ATP5F1B: variants seen among roughly 807,000 people sequenced by gnomAD.
ATP5F1B encodes ATP synthase F(1) complex subunit beta, mitochondrial.
Under a neutral mutation model 45.9 loss-of-function variants are expected in ATP5F1B, and 17 were observed. The observed-to-expected ratio is 0.37, with a 90% CI of 0.25 to 0.56. ATP5F1B has a LOEUF of 0.56. Among genes scored for constraint, ATP5F1B ranks in the 20% least tolerant of loss-of-function variants. ATP5F1B has a pLI of 0.80. For synonymous variants in ATP5F1B, 218 were observed against 256.5 expected (o/e 0.85, Z 1.43); for missense variants, 387 against 673.2 (o/e 0.57, Z 4.70).
chr12:56,645,388 C>A (rs1020119339), intron 1 of ATP5F1B, 35 bp from the exon 2 acceptor site: 1 of 1,594,932 alleles, frequency 6.3e-7, no homozygotes, highest in Admixed American at 1.7e-5. Flanking sequence ...GAGCTGGGGT[C>A]AGGCCAGTTA....
At chr12:56,641,364 A>C in intron 7 of ATP5F1B, among the ~76,000 whole-genome samples, 1 of 141,244 alleles carries the variant, frequency 7.1e-6, no homozygotes, top group African/African-American at 2.6e-5. Context: ...ACTCCGTCTC[A>C]AAAAAAAAAA....
intron 5 of ATP5F1B, 134 bp from the exon 6 acceptor site, chr12:56,642,965 T>G (rs1244707092): frequency 3.1e-6 from 3 of 977,792 alleles, no homozygotes; most frequent in African/African-American, 3.3e-5. Flanking sequence ...AAGTTTCTTT[T>G]CCCTATTAGA....
chr12:56,639,708 T>C (rs1325013930), intron 8 of ATP5F1B, among the ~76,000 whole-genome samples: 2 of 150,826 alleles, frequency 1.3e-5, no homozygotes, highest in African/African-American at 4.9e-5. Flanking sequence ...GAGGCGGAGG[T>C]TGCAGTGAGC....
In ATP5F1B at chr12:56,638,219, G is replaced by A. The variant is rs1059859; in HGVS notation, c.*104C>T. The A allele has an allele frequency of 1.0e-6, 1 of 986,172 alleles. No homozygotes were observed. The highest frequency in any genetic ancestry group is 2.4e-5 in the East Asian group (1 of 41,840). The allele number at this position is 986,172 out of a possible 1,614,324, so 61.1% of individuals were successfully genotyped here. ...TATTGGAAACCTTAAATACTGTTCA[G>A]AAAGAATATATCTTCAATCAAGGCT... On this transcript the variant is annotated 3_prime_UTR_variant, in exon 10 of 10. Coordinates refer to ENST00000262030, the MANE Select transcript of ATP5F1B (RefSeq NM_001686.4).
chr12:56,644,850 T>A lies in ATP5F1B; in HGVS notation c.416A>T (p.Glu139Val). 1.2e-6 allele frequency: 2 copies of A among 1,614,206 alleles called. No homozygotes were observed. Among genetic ancestry groups the A allele is most frequent in the Non-Finnish European group, 1.7e-6 (2 of 1,180,042 alleles). ...GACATTCATGATTCTGCCCAAAGTC[T>A]CAGGACCAACAGGAATTTTGATTGG... ...GAPIKIPVGP[E>V]TLGRIMNVIG... The change falls in exon 3 of 10, where the codon GAG (glutamate) becomes GTG (valine). Residue 139 changes from glutamate (E) to valine (V), a missense_variant. Transcript: ENST00000262030.
intron 5 of ATP5F1B, 27 bp downstream of exon 5, chr12:56,643,376 G>A (rs199603043): frequency 1.8e-5 from 29 of 1,591,792 alleles, no homozygotes; most frequent in Admixed American, 1.7e-4. Flanking sequence ...TAACTACCAC[G>A]TGGACATCAA....
At position 56,638,378 on chromosome 12, in the gene ATP5F1B, G is replaced by A. The variant is rs781187712; in HGVS notation, c.1535C>T (p.Pro512Leu). 6.2e-7 allele frequency: 1 copy of A among 1,613,828 alleles called. No homozygotes were observed. The highest frequency in any genetic ancestry group is 1.7e-5 in the Admixed American group (1 of 60,000). The change falls in exon 10 of 10, where the codon CCC becomes CTC. Residue 512 changes from proline to leucine, a missense_variant. Pro to Leu is a moderately conservative substitution (Grantham distance 98). Coordinates refer to ENST00000262030, the MANE Select transcript of ATP5F1B (RefSeq NM_001686.4). ...LPEQAFYMVG[P>L]IEEAVAKADK... ...AGCTTTTGCCACAGCTTCTTCAATG[G>A]GTCCCACCATATAGAAGGCCTGTTC...
chr12:56,645,504 C>A lies in ATP5F1B; in HGVS notation c.128-151G>T, dbSNP rs908835652. ...CGCGTGTCCAAGAGGGAAGGCCGCG[C>A]AGCGATCGATAAAGCGCCTGCACAG... On this transcript the variant is annotated intron_variant, in intron 1 of 9. Transcript: ENST00000262030. The A allele has an allele frequency of 6.0e-6, 6 of 1,004,014 alleles. No homozygotes were observed. In the African/African-American group the frequency reaches 8.2e-5, roughly 14 times the overall value. The allele number at this position is 1,004,014 out of a possible 1,614,324, so 62.2% of individuals were successfully genotyped here.
At position 56,643,454 on chromosome 12, in the gene ATP5F1B, G is replaced by A; in HGVS notation, c.741C>T (p.Tyr247=). The A allele has an allele frequency of 6.2e-7, 1 of 1,614,040 alleles. No homozygotes were observed. Among genetic ancestry groups the A allele is most frequent in the Non-Finnish European group, 8.5e-7 (1 of 1,180,018 alleles). ...TAACACCAGATTCAATCATTTCATG[G>A]TATAAATCATTGCCTTCACGGGTCC... ...GERTREGNDL[Y]HEMIESGVIN... The change falls in exon 5 of 10, where the codon TAC becomes TAT. Residue 247 remains tyrosine, a synonymous_variant. Transcript: ENST00000262030.
In ATP5F1B at chr12:56,642,829, T is replaced by A. The variant is rs1355264923; in HGVS notation, c.795A>T (p.Val265=). The A allele has an allele frequency of 6.2e-7, 1 of 1,612,312 alleles. No homozygotes were observed. The stretch of plus-strand genomic sequence containing the variant: ...CATTCATTTGACCATATACCAGCGC[T>A]ACCTGCAGTAATCATACATAATCGT... ...VINLKDATSK[V]ALVYGQMNEP... is the part of the protein sequence containing the mutation. Residue 265 remains valine, a splice_region_variant and synonymous_variant, in exon 6 of 10, where the codon GTA becomes GTT. Transcript: ENST00000262030.
chr12:56,638,496 C>A, intron 9 of ATP5F1B, 73 bp from the exon 10 acceptor site: 3 of 1,130,194 alleles, frequency 2.7e-6, no homozygotes, highest in Non-Finnish European at 3.9e-6. Context: ...ATGTAACATT[C>A]CTCACCACTT....
At position 56,639,037 on chromosome 12, in the gene ATP5F1B, A is replaced by AT. The variant is rs1951492767; in HGVS notation, c.1489+68dup. On this transcript the variant is annotated intron_variant, in intron 9 of 9. Coordinates refer to ENST00000262030, the MANE Select transcript of ATP5F1B (RefSeq NM_001686.4). Reference sequence around the variant, plus strand: ...TAATTAAGCATAGTATATTACATATATTGCTTGACGGTTGTTGGAATGGGA... The same window carrying AT: ...TAATTAAGCATAGTATATTACATATATTTGCTTGACGGTTGTTGGAATGGGA... The AT allele has an allele frequency of 4.9e-6, 7 of 1,432,758 alleles. No individual in the cohort carries two copies. The South Asian group carries it at 8.0e-5, about 16-fold the overall frequency. The allele number at this position is 1,432,758 out of a possible 1,614,324, so 88.8% of individuals were successfully genotyped here.
Position 56,640,081 on chromosome 12 carries a change from G to C in ATP5F1B, c.1186C>G (p.Pro396Ala). Residue 396 changes from proline (P) to alanine (A), a missense_variant, in exon 8 of 10, where the codon CCA becomes GCA. By Grantham distance (27) the Pro-to-Ala change is conservative (BLOSUM62 -1). Around this residue, in one of 6 missense-constraint regions of ATP5F1B, gnomAD observed 154 missense variants for 361.4 expected, o/e 0.43. Coordinates refer to ENST00000262030, the MANE Select transcript of ATP5F1B (RefSeq NM_001686.4). ...GTGGAGTCTAGAGGATCCACAGCTGGATAGATGCCCAGCTCAGCAATGGCA... is the reference window on the plus strand; with the variant it reads ...GTGGAGTCTAGAGGATCCACAGCTGCATAGATGCCCAGCTCAGCAATGGCA... ...SRAIAELGIY[P>A]AVDPLDSTSR... The C allele has an allele frequency of 6.2e-7, 1 of 1,614,118 alleles. No individual in the cohort carries two copies.
At position 56,644,966 on chromosome 12, in the gene ATP5F1B, C is replaced by A; in HGVS notation, c.311-11G>T. The stretch of plus-strand genomic sequence containing the variant: ...TTACTGTGCTCTCACCTGTTAGATA[C>A]AGGCATCGCAGGGTTATACATAAGG... On this transcript the variant is annotated splice_polypyrimidine_tract_variant and intron_variant, in intron 2 of 9. Transcript: ENST00000262030. The A allele has an allele frequency of 6.2e-7, 1 of 1,614,116 alleles. No homozygotes were observed. The highest frequency in any genetic ancestry group is 1.1e-5 in the South Asian group (1 of 91,090).
At chr12:56,645,012 A>C in intron 2 of ATP5F1B, 57 bp from the exon 3 acceptor site, 1 of 1,612,764 alleles carries the variant, frequency 6.2e-7, no homozygotes, top group Non-Finnish European at 8.5e-7. Context: ...ATCAAGACCT[A>C]AATCGACCAA....
chr12:56,638,965 T>C (rs997256844), intron 9 of ATP5F1B, 141 bp downstream of exon 9: 35 of 784,338 alleles, frequency 4.5e-5, no homozygotes, highest in Non-Finnish European at 6.8e-5. Flanking sequence ...TGTAGAGTAT[T>C]TTCAAACAAA....
chr12:56,645,696 C>A, intron 1 of ATP5F1B, 141 bp downstream of exon 1: 2 of 1,441,604 alleles, frequency 1.4e-6, no homozygotes, highest in Non-Finnish European at 1.9e-6. Context: ...CATTCTTGTT[C>A]TCCAGCCATT....
chr12:56,645,351 T>A lies in ATP5F1B; in HGVS notation c.130A>T (p.Arg44Trp). ...GGAGATGTTTGCGCCGCATAGTCCCTGACTAACAGACAAAAGATATTGGAA... is the reference window on the plus strand; with the variant it reads ...GGAGATGTTTGCGCCGCATAGTCCCAGACTAACAGACAAAAGATATTGGAA... The part of the protein sequence containing the change: ...RAAPTAVHPV[R>W]DYAAQTSPSP... Residue 44 changes from arginine (R) to tryptophan (W), a missense_variant and splice_region_variant, in exon 2 of 10, where the codon AGG becomes TGG. By Grantham distance (101) the Arg-to-Trp change is moderately radical. Transcript: ENST00000262030. 1 of 1,612,448 alleles carries A rather than the reference T, an allele frequency of 6.2e-7. No homozygotes were observed. The highest frequency in any genetic ancestry group is 8.5e-7 in the Non-Finnish European group (1 of 1,178,952).
intron 8 of ATP5F1B, 187 bp from the exon 9 acceptor site, chr12:56,639,494 C>T: frequency 1.6e-6 from 1 of 623,516 alleles, no homozygotes; most frequent in Non-Finnish European, 2.8e-6. Context: ...TTGCATTCCG[C>T]CGGGCGCAGT....
Sources: allele counts gnomAD v4.1 joint callset (sites outside exome capture counted in the v4.1 genomes callset), GRCh38; gene constraint gnomAD v4.1.1; regional missense constraint gnomAD v4.1.1; transcripts MANE v1.5; gene names NCBI Gene and HGNC (gene_info 2026-07-23, HGNC 2026-07-21).